Variants in RGP1 observed in about 807,000 individuals in gnomAD.
RGP1 encodes the protein RGP1 partner of RAB6A GEF complex, also known as RAB6A-GEF complex partner protein 2.
Under a neutral mutation model 44.5 loss-of-function variants are expected in RGP1, and 28 were observed. The observed-to-expected ratio is 0.63, with a 90% CI of 0.47 to 0.86. The LOEUF (loss-of-function observed/expected upper bound fraction) is 0.86, where lower values mean the gene tolerates loss of function less well. Among genes scored for constraint, RGP1 ranks in the 40% least tolerant of loss-of-function variants. RGP1 has a pLI of 0.00. For missense variants in RGP1, 417 were observed against 490.7 expected, an observed-to-expected ratio of 0.85 and a Z score of 1.42; for synonymous variants, 212 against 196.7, an observed-to-expected ratio of 1.08 and a Z score of -0.65.
chr9:35,773,780 G>T, the RGP1 span, among the ~76,000 whole-genome samples: 1 of 151,954 alleles, frequency 6.6e-6, no homozygotes, highest in East Asian at 1.9e-4. Context: ...GGGATTACAG[G>T]CGTGAGCCAC....
chr9:35,775,525 C>T, the RGP1 span, among the ~76,000 whole-genome samples: 2 of 152,134 alleles, frequency 1.3e-5, no homozygotes, highest in African/African-American at 4.8e-5. Flanking sequence ...GCCAGTGCCT[C>T]CCTGACTGAG....
chr9:35,750,013 A>T (rs1169493275), intron 2 of RGP1, 142 bp downstream of exon 2: 1 of 870,000 alleles, frequency 1.1e-6, no homozygotes, highest in African/African-American at 1.7e-5. Context: ...AGGGCTCTTT[A>T]ACAGAAGATG....
the RGP1 span, among the ~76,000 whole-genome samples, chr9:35,783,338 C>T: frequency 6.6e-6 from 1 of 151,966 alleles, no homozygotes; most frequent in Non-Finnish European, 1.5e-5. Flanking sequence ...ATTCAAAATC[C>T]TCTCTTCTAG....
At chr9:35,778,524 A>G in the RGP1 span, among the ~76,000 whole-genome samples, 1 of 152,178 alleles carries the variant, frequency 6.6e-6, no homozygotes, top group Non-Finnish European at 1.5e-5. Context: ...ATACTGAAAA[A>G]TAAGCTGAAT....
the RGP1 span, chr9:35,772,335 A>C: frequency 6.6e-6 from 1 of 152,194 alleles, no homozygotes; most frequent in African/African-American, 2.4e-5. Flanking sequence ...GGATATTGAG[A>C]TGGAAGGATG....
chr9:35,765,046 A>C, the RGP1 span, among the ~76,000 whole-genome samples: 1 of 151,916 alleles, frequency 6.6e-6, no homozygotes, highest in Non-Finnish European at 1.5e-5. Flanking sequence ...GGATCTCTTG[A>C]ACTCAGGAGA....
At chr9:35,767,227 A>G in the RGP1 span, among the ~76,000 whole-genome samples, 2 of 150,302 alleles carry the variant, frequency 1.3e-5, no homozygotes, top group Non-Finnish European at 3.0e-5. Flanking sequence ...TGTTCCTGTT[A>G]CTGTTGAGGT....
chr9:35,775,863 C>T, the RGP1 span, among the ~76,000 whole-genome samples: 1 of 152,180 alleles, frequency 6.6e-6, no homozygotes, highest in African/African-American at 2.4e-5. Flanking sequence ...TGACGGACCC[C>T]TAATAATTAC....
Position 35,754,293 on chromosome 9 carries a change from G to A in RGP1, c.*1419G>A, listed in dbSNP as rs1827326150. On this transcript the variant is annotated 3_prime_UTR_variant, in exon 9 of 9. Coordinates refer to ENST00000378078, the MANE Select transcript of RGP1 (RefSeq NM_001080496.3). Reference sequence around the variant, plus strand: ...CCTGCCCTCTGCTCTCACAGGCTGGGGATGTTTATAAAGTGAGGACCCTGG... The same window carrying A: ...CCTGCCCTCTGCTCTCACAGGCTGGAGATGTTTATAAAGTGAGGACCCTGG... The A allele has an allele frequency of 1.0e-5, 9 of 885,586 alleles. No homozygotes were observed. The highest frequency in any genetic ancestry group is 1.5e-5 in the Non-Finnish European group (9 of 613,708). 54.9% of individuals were successfully genotyped at this position (885,586 alleles called of 1,614,324 possible).
chr9:35,772,468 G>C, the RGP1 span: 1 of 152,302 alleles, frequency 6.6e-6, no homozygotes, highest in East Asian at 1.9e-4. Flanking sequence ...CAACTCCACT[G>C]TATTCTTCTT....
rs993258952 is a variant in RGP1, at chr9:35,756,099, T to G, written c.*3225T>G. The stretch of plus-strand genomic sequence containing the variant: ...CAGTTCTCCTTTCTCACCACTCTCC[T>G]GCTAGCCATCTCTTTGGCACTAAAG... On this transcript the variant is annotated 3_prime_UTR_variant, in exon 9 of 9. Transcript: ENST00000378078. 1 of 152,314 alleles carries G rather than the reference T, an allele frequency of 6.6e-6. No individual in the cohort carries two copies. Among genetic ancestry groups the G allele is most frequent in the African/African-American group, 2.4e-5 (1 of 41,460 alleles). The allele number at this position is 152,314 out of a possible 1,614,324, so 9.4% of individuals were successfully genotyped here.
chr9:35,753,249 A>AC lies in RGP1; in HGVS notation c.*378dup. The AC allele has an allele frequency of 6.2e-7, 1 of 1,614,062 alleles. No individual in the cohort carries two copies. Among genetic ancestry groups the AC allele is most frequent in the Non-Finnish European group, 8.5e-7 (1 of 1,180,012 alleles). ...GTTCCTGCCTCCTGACGTACCTCAC[A>AC]CCCAGCCGGGAAGTCGATGGGATGC... On this transcript the variant is annotated 3_prime_UTR_variant, in exon 9 of 9. Transcript: ENST00000378078. The surrounding 1 kb of genome is among the most constrained non-coding windows in gnomAD (Gnocchi z 4.2).
chr9:35,772,016 C>T, the RGP1 span: 2 of 152,196 alleles, frequency 1.3e-5, no homozygotes, highest in African/African-American at 4.8e-5. Flanking sequence ...AACTCTTTCT[C>T]AAATATTCCA....
the RGP1 span, among the ~76,000 whole-genome samples, chr9:35,769,288 T>C: frequency 1.3e-5 from 2 of 152,128 alleles, no homozygotes; most frequent in African/African-American, 4.8e-5. Context: ...GTTCTTGTCT[T>C]GTTGTCCTTG....
the RGP1 span, among the ~76,000 whole-genome samples, chr9:35,773,417 G>T: frequency 6.6e-6 from 1 of 151,882 alleles, no homozygotes; most frequent in African/African-American, 2.4e-5. Flanking sequence ...GAAAAGAAAA[G>T]AAATATATAT....
the RGP1 span, among the ~76,000 whole-genome samples, chr9:35,785,794 CAACCCCT>C: frequency 6.6e-6 from 1 of 152,204 alleles, no homozygotes; most frequent in Non-Finnish European, 1.5e-5. Flanking sequence ...TTTGCCTTTG[CAACCCCT>C]GCCTTTGACT....
chr9:35,785,552 A>G, the RGP1 span, among the ~76,000 whole-genome samples: 11 of 151,020 alleles, frequency 7.3e-5, no homozygotes, highest in African/African-American at 2.7e-4. Context: ...GTGATGTGAC[A>G]TAATTAGGTT....
chr9:35,766,124 C>T, the RGP1 span, among the ~76,000 whole-genome samples: 3 of 145,516 alleles, frequency 2.1e-5, no homozygotes, highest in Admixed American at 1.4e-4. Flanking sequence ...GCCACCGTGC[C>T]GGCCTTAGTA....
the RGP1 span, among the ~76,000 whole-genome samples, chr9:35,780,043 A>T: frequency 2.6e-5 from 4 of 152,208 alleles, no homozygotes; most frequent in Non-Finnish European, 5.9e-5. Flanking sequence ...CAAGAAAGAT[A>T]GCATTTTGAC....
Sources: gnomAD v4.1 joint callset for allele counts (sites outside exome capture counted in the v4.1 genomes callset) on GRCh38, gnomAD v4.1.1 for gene constraint, Gnocchi (gnomAD v3.1) non-coding constraint, MANE v1.5 for transcripts, NCBI Gene and HGNC (gene_info 2026-07-23, HGNC 2026-07-21) for gene names.